Variants in ULK1 observed in about 807,000 individuals in gnomAD.
ULK1 encodes the protein unc-51 like autophagy activating kinase 1.
Under a neutral mutation model 117.5 loss-of-function variants are expected in ULK1, and 48 were observed. The observed-to-expected ratio is 0.41, with a 90% confidence interval of 0.32 to 0.52. The LOEUF (loss-of-function observed/expected upper bound fraction) is 0.52, where lower values mean the gene tolerates loss of function less well. Among genes scored for constraint, ULK1 ranks in the 20% least tolerant of loss-of-function variants. ULK1 has a pLI of 0.29. For missense variants in ULK1, 1,387 were observed against 1,473.4 expected (o/e 0.94, Z 0.96); for synonymous variants, 790 against 637.8 (o/e 1.24, Z -3.60).
chr12:131,919,962 A>G lies in ULK1; in HGVS notation c.2804-17A>G, dbSNP rs756862021. 1.2e-6 allele frequency: 2 copies of G among 1,608,248 alleles called. No homozygotes were observed. Among genetic ancestry groups the G allele is most frequent in the East Asian group, 2.2e-5 (1 of 44,748 alleles). On this transcript the variant is annotated splice_polypyrimidine_tract_variant and intron_variant, in intron 25 of 27. Transcript: ENST00000321867. Reference sequence around the variant, plus strand: ...GTGTCTGCTGCACCCTGAGCTGACCACCCTCGTCCTTTGCAGTGGTGCGCA... The same window carrying G: ...GTGTCTGCTGCACCCTGAGCTGACCGCCCTCGTCCTTTGCAGTGGTGCGCA...
Position 131,920,028 on chromosome 12 carries a change from G to C in ULK1, c.2853G>C (p.Gln951His), listed in dbSNP as rs771166333. 3.2e-5 allele frequency: 52 copies of C among 1,612,764 alleles called. No homozygotes were observed. Among genetic ancestry groups the C allele is most frequent in the Non-Finnish European group, 3.9e-5 (46 of 1,179,982 alleles). Residue 951 changes from glutamine to histidine, a missense_variant, in exon 26 of 28, where the codon CAG becomes CAC. Gln to His is a conservative substitution (Grantham distance 24). This residue lies in a region of ULK1 where 900 missense variants were observed against 858.9 expected (regional missense o/e 1.05). Coordinates refer to ENST00000321867, the MANE Select transcript of ULK1 (RefSeq NM_003565.4). ...ELYKASVVSC[Q>H]GLSLRLQRFF... ...ACAAGGCCAGCGTGGTGTCCTGCCA[G>C]GGCCTGAGCCTGCGGCTGCAGCGCT...
rs1324699484 is a variant in ULK1, at chr12:131,921,412, C to T, written c.*51C>T. The T allele has an allele frequency of 6.3e-7, 1 of 1,597,888 alleles. No homozygotes were observed. Among genetic ancestry groups the T allele is most frequent in the Admixed American group, 1.7e-5 (1 of 60,018 alleles). ...GTCCTGCCGAGCCCTGCAGAGTGGG[C>T]TCTGTGTGCTGGCTGGACTCCTCGG... On this transcript the variant is annotated 3_prime_UTR_variant, in exon 28 of 28. Transcript: ENST00000321867.
At chr12:131,901,422 A>T (rs1889084482) in intron 3 of ULK1, among the ~76,000 whole-genome samples, 1 of 152,102 alleles carries the variant, frequency 6.6e-6, no homozygotes, top group African/African-American at 2.4e-5. Context: ...ATGAGAAGAT[A>T]TACCACAACA....
chr12:131,913,060 C>A, intron 13 of ULK1, 138 bp from the exon 14 acceptor site: 1 of 738,606 alleles, frequency 1.4e-6, no homozygotes, highest in South Asian at 2.3e-5. Flanking sequence ...CAGGCTCTGC[C>A]CCCCGCAAGG....
intron 15 of ULK1, 30 bp downstream of exon 15, chr12:131,913,866 G>T (rs1372655256): frequency 1.4e-6 from 2 of 1,477,016 alleles, no homozygotes; most frequent in African/African-American, 2.9e-5. Context: ...GGGTGGATGG[G>T]GCTGTGAACA....
intron 3 of ULK1, among the ~76,000 whole-genome samples, chr12:131,899,431 G>A (rs1200650701): frequency 6.6e-6 from 1 of 151,338 alleles, no homozygotes; most frequent in East Asian, 2.0e-4. Flanking sequence ...CAGGTGATCC[G>A]CCCACATCGG....
At position 131,921,942 on chromosome 12, in the gene ULK1, C is replaced by G; in HGVS notation, c.*581C>G. 1 of 456,408 alleles carries G rather than the reference C, an allele frequency of 2.2e-6. No homozygotes were observed. Among genetic ancestry groups the G allele is most frequent in the Non-Finnish European group, 4.4e-6 (1 of 226,880 alleles). The allele number at this position is 456,408 out of a possible 1,614,324, so 28.3% of individuals were successfully genotyped here. ...TACATACACATATGCAGACACATGCCAGGGCCCCCCAAGCCCGAGCACCGG... is the reference window on the plus strand; with the variant it reads ...TACATACACATATGCAGACACATGCGAGGGCCCCCCAAGCCCGAGCACCGG... On this transcript the variant is annotated 3_prime_UTR_variant, in exon 28 of 28. Coordinates refer to ENST00000321867, the MANE Select transcript of ULK1 (RefSeq NM_003565.4).
intron 26 of ULK1, chr12:131,920,351 T>C (rs981346852): frequency 1.7e-6 from 1 of 586,392 alleles, no homozygotes; most frequent in Non-Finnish European, 2.9e-6. Flanking sequence ...CCGTGGCCCA[T>C]GTGCATCCTG....
intron 25 of ULK1, 72 bp downstream of exon 25, chr12:131,919,662 A>C: frequency 6.5e-7 from 1 of 1,535,748 alleles, no homozygotes; most frequent in Non-Finnish European, 8.9e-7. Flanking sequence ...CCTGGGTGAC[A>C]GGGTAACAGG....
At chr12:131,916,643 C>T (rs767259311) in intron 20 of ULK1, 52 bp downstream of exon 20, 4 of 1,475,286 alleles carry the variant, frequency 2.7e-6, no homozygotes, top group Non-Finnish European at 3.6e-6. Flanking sequence ...AGCCTCTTTC[C>T]CCTGCATTGT....
In ULK1 at chr12:131,922,453, CAGT is replaced by C; in HGVS notation, c.*1093_*1095del. ...GCAAAAGCTCCCCGTCCAGCTTTGA[CAGT>C]CAGTTTTGATGTCAGCTCCTCGGCA... is the stretch of plus-strand genomic sequence containing the variant. On this transcript the variant is annotated 3_prime_UTR_variant, in exon 28 of 28. Coordinates refer to ENST00000321867, the MANE Select transcript of ULK1 (RefSeq NM_003565.4). 5.3e-6 allele frequency: 1 copy of C among 187,014 alleles called. No individual in the cohort carries two copies. The highest frequency in any genetic ancestry group is 8.9e-5 in the South Asian group (1 of 11,272). The allele number at this position is 187,014 out of a possible 1,614,324, so 11.6% of individuals were successfully genotyped here.
Position 131,915,179 on chromosome 12 carries a change from G to A in ULK1, c.1470G>A (p.Leu490=), listed in dbSNP as rs1182782564. The change falls in exon 17 of 28, where the codon CTG becomes CTA. Residue 490 remains leucine, a synonymous_variant. Coordinates refer to ENST00000321867, the MANE Select transcript of ULK1 (RefSeq NM_003565.4). The part of the protein sequence containing the change: ...PPAHAEHGGV[L]ARKMSLGGGR... ...CCCACGCTGAGCATGGAGGCGTCCT[G>A]GCCAGGAAGATGTCTCTGGGTGGAG... 4 of 1,602,068 alleles carry A rather than the reference G, an allele frequency of 2.5e-6. No individual in the cohort carries two copies. Among genetic ancestry groups the A allele is most frequent in the Non-Finnish European group, 3.4e-6 (4 of 1,175,056 alleles).
At chr12:131,899,418 C>T (rs1889002938) in intron 3 of ULK1, among the ~76,000 whole-genome samples, 1 of 151,628 alleles carries the variant, frequency 6.6e-6, no homozygotes, top group Admixed American at 6.6e-5. Context: ...GAACTCCCGA[C>T]CTCAGGTGAT....
At chr12:131,895,939 C>A in intron 3 of ULK1, 115 bp downstream of exon 3, 2 of 1,328,292 alleles carry the variant, frequency 1.5e-6, no homozygotes, top group Non-Finnish European at 2.1e-6. Flanking sequence ...GTCTACTGGG[C>A]CCCTGGAGAC....
rs145276197 is a variant in ULK1 at position 131,918,937 on chromosome 12, G to A, written c.2511+256G>A. Among the ~76,000 whole-genome samples the A allele has an allele frequency of 8.7e-3, 1,105 of 127,662 alleles. 29 individuals carry two copies. Among genetic ancestry groups the A allele is most frequent in the East Asian group, 0.036 (132 of 3,694 alleles). 83.8% of individuals were successfully genotyped at this position (127,662 alleles called of 152,430 possible). The stretch of plus-strand genomic sequence containing the variant: ...GTGTGGGGTGCAGGGTGTGTGGGGT[G>A]CAGGGTGTGTGGGGTGCAGGGTGTG... On this transcript the variant is annotated intron_variant, in intron 23 of 27. Transcript: ENST00000321867.
chr12:131,915,930 T>C lies in ULK1; in HGVS notation c.1649T>C (p.Leu550Pro), dbSNP rs2136402651. ...GAGCACTCTCCCCGCACTTCCGGGC[T>C]GGGCTGCCGCCTGCACAGCGCCCCC... ...APEHSPRTSG[L>P]GCRLHSAPNL... The change falls in exon 19 of 28, where the codon CTG (leucine) becomes CCG (proline). Residue 550 changes from leucine to proline, a missense_variant. This residue lies in a region of ULK1 where 900 missense variants were observed against 858.9 expected (regional missense o/e 1.05). Transcript: ENST00000321867. The C allele has an allele frequency of 2.5e-6, 4 of 1,612,360 alleles. No individual in the cohort carries two copies. The East Asian group carries it at 8.9e-5, about 36-fold the overall frequency.
chr12:131,917,162 G>GGATGGGGGTCGGGTTC, intron 21 of ULK1, 100 bp downstream of exon 21: 1 of 443,524 alleles, frequency 2.3e-6, no homozygotes, highest in African/African-American at 5.4e-5. Context: ...CTGTGGGATG[G>GGATGGGGGTCGGGTTC]GGCTCGAGGC....
intron 22 of ULK1, among the ~76,000 whole-genome samples, chr12:131,917,884 T>A (rs1889935564): frequency 6.6e-6 from 1 of 152,206 alleles, no homozygotes; most frequent in African/African-American, 2.4e-5. Flanking sequence ...TGTGCTGTGT[T>A]GGTCAGGAGT....
intron 10 of ULK1, 67 bp downstream of exon 10, chr12:131,910,068 A>C (rs1889465578): frequency 1.3e-6 from 2 of 1,589,678 alleles, no homozygotes; most frequent in Non-Finnish European, 1.7e-6. Flanking sequence ...TGATGTGAGC[A>C]GGGCCCACCG....
Sources: allele counts gnomAD v4.1 joint callset (sites outside exome capture counted in the v4.1 genomes callset), GRCh38; gene constraint gnomAD v4.1.1; regional missense constraint gnomAD v4.1.1; transcripts MANE v1.5; gene names NCBI Gene and HGNC (gene_info 2026-07-23, HGNC 2026-07-21).